TIAM2: variants seen among roughly 807,000 people sequenced by gnomAD.
The protein encoded by TIAM2 is rho guanine nucleotide exchange factor TIAM2.
Under a neutral mutation model 152.9 loss-of-function variants are expected in TIAM2, and 80 were observed. That is an observed-to-expected ratio of 0.52 (90% CI 0.44 to 0.63). TIAM2 has a LOEUF of 0.63. TIAM2 is among the 30% of genes least tolerant of loss of function. TIAM2 has a pLI of 0.00. For missense variants in TIAM2, 1,965 were observed against 2,120.1 expected, an observed-to-expected ratio of 0.93 and a Z score of 1.44; for synonymous variants, 804 against 838.0, an observed-to-expected ratio of 0.96 and a Z score of 0.70.
intron 14 of TIAM2, among the ~76,000 whole-genome samples, chr6:155,203,073 G>GAAA (rs1781517172): frequency 8.5e-6 from 1 of 117,672 alleles, no homozygotes; most frequent in Admixed American, 9.4e-5. Flanking sequence ...AAAAAAAAGA[G>GAAA]AAAGATTTGC....
At chr6:155,225,801 A>G (rs1782221542) in intron 15 of TIAM2, among the ~76,000 whole-genome samples, 1 of 152,234 alleles carries the variant, frequency 6.6e-6, no homozygotes, top group Non-Finnish European at 1.5e-5. Flanking sequence ...GTATTGTTCC[A>G]TATAAGATTA....
chr6:155,017,506 CTTT>C (rs35552958), intron 1 of TIAM2, among the ~76,000 whole-genome samples: 1 of 129,046 alleles, frequency 7.7e-6, no homozygotes. Context: ...TCCATTTTGT[CTTT>C]TTTTTTTTTT....
At chr6:155,131,444 A>T (rs1362852170) in intron 4 of TIAM2, among the ~76,000 whole-genome samples, 1 of 152,126 alleles carries the variant, frequency 6.6e-6, no homozygotes, top group African/African-American at 2.4e-5. Context: ...GTCCAAATAA[A>T]ACAGTTGAGA....
intron 18 of TIAM2, among the ~76,000 whole-genome samples, chr6:155,245,125 C>T (rs929108290): frequency 1.3e-5 from 2 of 152,186 alleles, no homozygotes; most frequent in African/African-American, 4.8e-5. Context: ...CCTTCTTCCC[C>T]GTGGTCATGT....
At chr6:155,229,922 T>C (rs996202958) in intron 15 of TIAM2, among the ~76,000 whole-genome samples, 31 of 151,982 alleles carry the variant, frequency 2.0e-4, no homozygotes, top group African/African-American at 7.0e-4. Context: ...GTGAGACTTA[T>C]TCACTATCAC....
At position 155,140,573 on chromosome 6, in the gene TIAM2, T is replaced by TGTGTGA. The variant is rs1331424200; in HGVS notation, c.1630+2962_1630+2963insTGTGAG. Among the ~76,000 whole-genome samples, 288 of 107,446 alleles carry TGTGTGA rather than the reference T, an allele frequency of 2.7e-3. 2 individuals are homozygous for TGTGTGA. Among genetic ancestry groups the TGTGTGA allele is most frequent in the African/African-American group, 0.011 (274 of 26,008 alleles). 70.5% of individuals were successfully genotyped at this position (107,446 alleles called of 152,430 possible). On this transcript the variant is annotated intron_variant, in intron 5 of 26. Transcript: ENST00000682666. The stretch of plus-strand genomic sequence containing the variant: ...GTGTGTGTATGTGTGTGTGTGTGTG[T>TGTGTGA]GAGAGAGAGAGAGAGAGAGAGAGAG...
intron 1 of TIAM2, among the ~76,000 whole-genome samples, chr6:155,031,738 A>G (rs747872071): frequency 6.6e-6 from 1 of 152,184 alleles, no homozygotes; most frequent in Non-Finnish European, 1.5e-5. Context: ...AAGACTAAAC[A>G]AATTGCAGAA....
At chr6:155,166,596 C>T (rs1780443440) in intron 9 of TIAM2, among the ~76,000 whole-genome samples, 1 of 152,200 alleles carries the variant, frequency 6.6e-6, no homozygotes, top group Admixed American at 6.5e-5. Context: ...GTGCTGATTA[C>T]AGGCGTGAGC....
intron 1 of TIAM2, among the ~76,000 whole-genome samples, chr6:155,042,505 A>C (rs142796848): frequency 1.2e-4 from 18 of 152,254 alleles, no homozygotes; most frequent in Non-Finnish European, 2.2e-4. Flanking sequence ...AGGCCAGAGA[A>C]TCAATCACTT....
At chr6:155,078,446 C>T (rs763187638) in intron 1 of TIAM2, among the ~76,000 whole-genome samples, 8 of 152,168 alleles carry the variant, frequency 5.3e-5, no homozygotes, top group Non-Finnish European at 1.2e-4. Context: ...ACTCACGTCA[C>T]GCATGGGACC....
At chr6:154,996,820 C>T (rs1441195514) in intron 1 of TIAM2, among the ~76,000 whole-genome samples, 2 of 152,118 alleles carry the variant, frequency 1.3e-5, no homozygotes, top group Non-Finnish European at 1.5e-5. Flanking sequence ...ACTTTTGTTC[C>T]ACCGGATTTT....
rs780202503 is a variant in TIAM2 at position 155,130,343 on chromosome 6, G to A, written c.1120G>A (p.Asp374Asn). ...KAFVEDTAKK[D>N]SLKARMRRIS... Reference sequence around the variant, plus strand: ...CTTTGTTGAGGATACTGCGAAGAAGGACTCCCTCAAAGCCAGGATGCGACG... The same window carrying A: ...CTTTGTTGAGGATACTGCGAAGAAGAACTCCCTCAAAGCCAGGATGCGACG... The change falls in exon 4 of 27, where the codon GAC becomes AAC. Residue 374 changes from aspartate to asparagine, a missense_variant. Physicochemically the swap from Asp to Asn is conservative, Grantham distance 23. Coordinates refer to ENST00000682666, the MANE Select transcript of TIAM2 (RefSeq NM_012454.4). 5 of 1,614,080 alleles carry A rather than the reference G, an allele frequency of 3.1e-6. No individual in the cohort carries two copies. The highest frequency in any genetic ancestry group is 4.2e-6 in the Non-Finnish European group (5 of 1,180,036).
intron 21 of TIAM2, chr6:155,250,420 C>A (rs1783582186): frequency 5.7e-6 from 4 of 703,570 alleles, no homozygotes; most frequent in Middle Eastern, 4.0e-4. Flanking sequence ...GAATCTTGTG[C>A]TTCTCAAGCC....
chr6:155,079,046 C>T (rs758083844), intron 1 of TIAM2, among the ~76,000 whole-genome samples: 6 of 151,518 alleles, frequency 4.0e-5, no homozygotes, highest in Non-Finnish European at 7.4e-5. Flanking sequence ...TCTGGATGAC[C>T]AGTTTATCTT....
intron 1 of TIAM2, among the ~76,000 whole-genome samples, chr6:155,084,916 G>GATGT (rs999413264): frequency 6.6e-6 from 1 of 152,166 alleles, no homozygotes; most frequent in Non-Finnish European, 1.5e-5. Context: ...ACCACATTAT[G>GATGT]ATGTAGTCTT....
chr6:155,209,330 C>T (rs1051313197), intron 14 of TIAM2, among the ~76,000 whole-genome samples: 3 of 152,150 alleles, frequency 2.0e-5, no homozygotes, highest in African/African-American at 7.2e-5. Flanking sequence ...GGGAGATACA[C>T]TTAGGCTGGA....
At chr6:155,150,187 G>A (rs1779919879) in intron 7 of TIAM2, among the ~76,000 whole-genome samples, 2 of 151,896 alleles carry the variant, frequency 1.3e-5, no homozygotes, top group Admixed American at 6.6e-5. Flanking sequence ...GCAAATACTG[G>A]TGTACCTAAT....
At chr6:155,256,390 C>T (rs1375559102) in intron 26 of TIAM2, 94 bp from the exon 27 acceptor site, 2 of 1,547,972 alleles carry the variant, frequency 1.3e-6, no homozygotes. Flanking sequence ...AAAATAAAAT[C>T]TTAATGTTAA....
Position 155,130,212 on chromosome 6 carries a change from G to T in TIAM2, c.989G>T (p.Ser330Ile). The T allele has an allele frequency of 6.2e-7, 1 of 1,614,182 alleles. No individual in the cohort carries two copies. Among genetic ancestry groups the T allele is most frequent in the Non-Finnish European group, 8.5e-7 (1 of 1,180,040 alleles). The part of the protein sequence containing the change: ...DEYMGTHASL[S>I]NRVSFASDID... ...TACATGGGCACGCATGCCAGCCTGAGCAACCGTGTCTCTTTTGCTTCCGAC... is the reference window on the plus strand; with the variant it reads ...TACATGGGCACGCATGCCAGCCTGATCAACCGTGTCTCTTTTGCTTCCGAC... The change falls in exon 4 of 27, where the codon AGC becomes ATC. Residue 330 changes from serine (S) to isoleucine (I), a missense_variant. By Grantham distance (142) the Ser-to-Ile change is moderately radical. This residue lies in a region of TIAM2 where 1,025 missense variants were observed against 1,119.4 expected (regional missense o/e 0.92). Coordinates refer to ENST00000682666, the MANE Select transcript of TIAM2 (RefSeq NM_012454.4).
Sources: gnomAD v4.1 joint callset for allele counts (sites outside exome capture counted in the v4.1 genomes callset) on GRCh38, gnomAD v4.1.1 for gene constraint, gnomAD v4.1.1 regional missense constraint, MANE v1.5 for transcripts, NCBI Gene and HGNC (gene_info 2026-07-23, HGNC 2026-07-21) for gene names.